Variants in FAM91A1 observed in about 807,000 individuals in gnomAD.
FAM91A1 encodes family with sequence similarity 91 member A1.
FAM91A1 carries 41 observed loss-of-function variants against 113.5 expected under a neutral mutation model. The ratio of observed to expected loss-of-function variants is 0.36; its 90% CI spans 0.28 to 0.47. The LOEUF (loss-of-function observed/expected upper bound fraction) is 0.47, where lower values mean the gene tolerates loss of function less well. FAM91A1 is among the 20% of genes least tolerant of loss of function. FAM91A1 has a pLI of 1.00. For synonymous variants in FAM91A1, 307 were observed against 347.9 expected (o/e 0.88, Z 1.31); for missense variants, 696 against 1,001.2 (o/e 0.70, Z 4.11).
intron 3 of FAM91A1, among the ~76,000 whole-genome samples, chr8:123,775,971 A>G (rs1243330102): frequency 2.0e-5 from 3 of 152,204 alleles, no homozygotes; most frequent in Non-Finnish European, 4.4e-5. Flanking sequence ...TCAAAAGAAA[A>G]AAAAGAAAAG....
At chr8:123,799,750 C>G in intron 17 of FAM91A1, 22 bp from the exon 18 acceptor site, 1 of 1,606,022 alleles carries the variant, frequency 6.2e-7, no homozygotes, top group South Asian at 1.1e-5. Flanking sequence ...TGCCATTTTA[C>G]CTGTTAATTT....
intron 1 of FAM91A1, among the ~76,000 whole-genome samples, chr8:123,771,555 G>A (rs1374106857): frequency 2.6e-5 from 4 of 152,146 alleles, no homozygotes; most frequent in African/African-American, 9.7e-5. Context: ...TATGGGTCAT[G>A]ATAGACTTTT....
chr8:123,792,652 A>G (rs1442294379), intron 15 of FAM91A1, among the ~76,000 whole-genome samples: 1 of 152,148 alleles, frequency 6.6e-6, no homozygotes, highest in Non-Finnish European at 1.5e-5. Flanking sequence ...ACCACCATGA[A>G]CTCTTTAGAC....
At chr8:123,786,719 G>A (rs972427487) in intron 12 of FAM91A1, 109 bp downstream of exon 12, 6 of 850,808 alleles carry the variant, frequency 7.1e-6, no homozygotes, top group South Asian at 3.1e-5. Flanking sequence ...TATTCAATAC[G>A]CAGTCTTTGA....
rs1815219183 is a variant in FAM91A1 at position 123,785,063 on chromosome 8, T to G, written c.811-18T>G. The G allele has an allele frequency of 6.4e-7, 1 of 1,567,500 alleles. No individual in the cohort carries two copies. The highest frequency in any genetic ancestry group is 1.2e-5 in the South Asian group (1 of 84,080). ...TAATTCTAAGAATGTAAAAATAAAT[T>G]TTAATTTTATCTTCTAGCTTGCAAA... On this transcript the variant is annotated intron_variant, in intron 9 of 23. Coordinates refer to ENST00000334705, the MANE Select transcript of FAM91A1 (RefSeq NM_144963.4).
chr8:123,785,028 A>G (rs1472742344), intron 9 of FAM91A1, 53 bp from the exon 10 acceptor site: 5 of 1,350,424 alleles, frequency 3.7e-6, no homozygotes, highest in Non-Finnish European at 5.1e-6. Flanking sequence ...ACAACTGTGT[A>G]ATGTGCTGTT....
At chr8:123,791,897 G>A (rs917333031) in intron 15 of FAM91A1, among the ~76,000 whole-genome samples, 16 of 152,158 alleles carry the variant, frequency 1.1e-4, no homozygotes, top group African/African-American at 3.6e-4. Context: ...ATTCTCTGCC[G>A]GGTGTGGTGG....
chr8:123,780,846 A>G (rs932177120), intron 8 of FAM91A1, among the ~76,000 whole-genome samples: 1 of 152,100 alleles, frequency 6.6e-6, no homozygotes, highest in African/African-American at 2.4e-5. Context: ...CTGTTTTTAC[A>G]TGTGTTCAGT....
At chr8:123,802,342 G>A (rs574605001) in intron 18 of FAM91A1, among the ~76,000 whole-genome samples, 5 of 152,310 alleles carry the variant, frequency 3.3e-5, no homozygotes, top group Admixed American at 3.3e-4. Context: ...AGAGAGATGG[G>A]AAGAGGGAAG....
intron 20 of FAM91A1, 61 bp from the exon 21 acceptor site, chr8:123,808,211 T>G (rs1012014490): frequency 7.4e-7 from 1 of 1,343,486 alleles, no homozygotes; most frequent in Non-Finnish European, 1.1e-6. Flanking sequence ...TAGGACTGAT[T>G]TATTGGCAGC....
In FAM91A1 at chr8:123,789,646, T is replaced by G. The variant is rs1022311010; in HGVS notation, c.1312T>G (p.Tyr438Asp). 8.1e-6 allele frequency: 13 copies of G among 1,611,962 alleles called. No individual in the cohort carries two copies. The highest frequency in any genetic ancestry group is 1.1e-5 in the Non-Finnish European group (13 of 1,179,746). The change falls in exon 15 of 24, where the codon TAT becomes GAT. Residue 438 changes from tyrosine (Y) to aspartate (D), a missense_variant. Tyr to Asp is a radical substitution (Grantham distance 160). Transcript: ENST00000334705. Reference sequence around the variant, plus strand: ...CACTGGTGAAGGAGAAGCACAGAGATATTTTGATCATGCACTTACTCTGAG... The same window carrying G: ...CACTGGTGAAGGAGAAGCACAGAGAGATTTTGATCATGCACTTACTCTGAG... ...QSTGEGEAQR[Y>D]FDHALTLRNT...
At chr8:123,769,049 T>C (rs1307909355) in intron 1 of FAM91A1, among the ~76,000 whole-genome samples, 1 of 152,206 alleles carries the variant, frequency 6.6e-6, no homozygotes, top group Non-Finnish European at 1.5e-5. Flanking sequence ...GCCAGGCACC[T>C]GCGATAGAGA....
At chr8:123,794,971 T>C (rs999040627) in intron 15 of FAM91A1, among the ~76,000 whole-genome samples, 5 of 152,244 alleles carry the variant, frequency 3.3e-5, no homozygotes, top group Non-Finnish European at 7.3e-5. Flanking sequence ...ATGAAAACAT[T>C]GCGCTTTTTG....
At chr8:123,778,888 C>A in intron 6 of FAM91A1, 116 bp downstream of exon 6, 1 of 706,752 alleles carries the variant, frequency 1.4e-6, no homozygotes, top group Non-Finnish European at 2.1e-6. Context: ...GAAAAGGAAA[C>A]TTAAATTTAA....
chr8:123,801,225 T>C (rs911636091), intron 18 of FAM91A1, among the ~76,000 whole-genome samples: 2 of 152,212 alleles, frequency 1.3e-5, no homozygotes, highest in African/African-American at 4.8e-5. Context: ...TTGATTTACA[T>C]TTTCCCGAAG....
chr8:123,810,547 C>CAAGCT, intron 23 of FAM91A1, 196 bp downstream of exon 23: 1 of 658,814 alleles, frequency 1.5e-6, no homozygotes, highest in Non-Finnish European at 2.7e-6. Flanking sequence ...GAGACCAAAG[C>CAAGCT]TTGATCTCTT....
At chr8:123,779,886 T>G in intron 6 of FAM91A1, 99 bp from the exon 7 acceptor site, 5 of 917,502 alleles carry the variant, frequency 5.4e-6, no homozygotes, top group Non-Finnish European at 8.3e-6. Flanking sequence ...ATTGAGCTAA[T>G]GACATGTAAT....
At position 123,799,648 on chromosome 8, in the gene FAM91A1, A is replaced by G. The variant is rs375864659; in HGVS notation, c.1689A>G (p.Ile563Met). The change falls in exon 17 of 24, where the codon ATA becomes ATG. Residue 563 changes from isoleucine (I) to methionine (M), a missense_variant. Coordinates refer to ENST00000334705, the MANE Select transcript of FAM91A1 (RefSeq NM_144963.4). ...CAAGACTTCGAAAACTGCCAGATAT[A>G]TTTCAGGTATGTGTGGGAGGTTTGG... Reference protein sequence around the residue: ...KGTRLRKLPDIFQSYDRLLIT... With the variant: ...KGTRLRKLPDMFQSYDRLLIT... 3.9e-5 allele frequency: 63 copies of G among 1,613,840 alleles called. No individual in the cohort carries two copies. Among genetic ancestry groups the G allele is most frequent in the Non-Finnish European group, 4.5e-5 (53 of 1,179,964 alleles).
chr8:123,812,984 T>C lies in FAM91A1; in HGVS notation c.*280T>C. 4.1e-6 allele frequency: 1 copy of C among 243,750 alleles called. No homozygotes were observed. The highest frequency in any genetic ancestry group is 7.8e-6 in the Non-Finnish European group (1 of 128,084). 15.1% of individuals were successfully genotyped at this position (243,750 alleles called of 1,614,324 possible). On this transcript the variant is annotated 3_prime_UTR_variant, in exon 24 of 24. Coordinates refer to ENST00000334705, the MANE Select transcript of FAM91A1 (RefSeq NM_144963.4). ...AGTATATACTTTATAGGCTTTATGA[T>C]GACTGTTATGTTTATAAGCAGTCAC...
Sources: gnomAD v4.1 joint callset for allele counts (sites outside exome capture counted in the v4.1 genomes callset) on GRCh38, gnomAD v4.1.1 for gene constraint, MANE v1.5 for transcripts, NCBI Gene and HGNC (gene_info 2026-07-23, HGNC 2026-07-21) for gene names.